NRXN3: variants seen among roughly 807,000 people sequenced by gnomAD.
NRXN3 encodes the protein neurexin III.
A neutral mutation model predicts 137.6 loss-of-function variants in NRXN3; 32 were observed. The observed-to-expected ratio is 0.23, with a 90% CI of 0.18 to 0.31. The LOEUF is 0.31. Among genes scored for constraint, NRXN3 ranks in the 10% least tolerant of loss-of-function variants. The probability of loss-of-function intolerance (pLI) is 1.00; values close to 1 mark genes in which losing one functional copy is unlikely to be tolerated. For missense variants in NRXN3, 1,574 were observed against 2,062.5 expected (o/e 0.76, Z 4.59); for synonymous variants, 798 against 784.5 (o/e 1.02, Z -0.29).
intron 16 of NRXN3, among the ~76,000 whole-genome samples, chr14:79,525,105 C>T (rs1489811146): frequency 6.6e-6 from 1 of 152,048 alleles, no homozygotes; most frequent in Non-Finnish European, 1.5e-5. Flanking sequence ...GGTCTTATGA[C>T]TAGCTTTGAG....
At chr14:79,049,022 CAAAAAAAAAAAAAAAAAAAAAAAAA>C (rs1171306670) in intron 15 of NRXN3, among the ~76,000 whole-genome samples, 13 of 29,480 alleles carry the variant, frequency 4.4e-4, no homozygotes, top group African/African-American at 1.8e-3. Flanking sequence ...AACTCCGTCT[CAAAAAAAAAAAAAAAAAAAAAAAAA>C]AAAAAAAAAA....
At chr14:78,186,774 T>C (rs1595712765) in intron 1 of NRXN3, among the ~76,000 whole-genome samples, 1 of 152,016 alleles carries the variant, frequency 6.6e-6, no homozygotes, top group African/African-American at 2.4e-5. Context: ...GTAGGGGAGA[T>C]AAAAGGGACA....
intron 19 of NRXN3, among the ~76,000 whole-genome samples, chr14:79,793,114 C>A (rs2099150390): frequency 6.6e-6 from 1 of 152,110 alleles, no homozygotes; most frequent in Admixed American, 6.6e-5. Flanking sequence ...CCTCCTGGTA[C>A]CTTTGAGAGA....
At position 79,480,458 on chromosome 14, in the gene NRXN3, C is replaced by T. The variant is rs187876135; in HGVS notation, c.3444+13056C>T. 7.0e-3 allele frequency among the ~76,000 whole-genome samples: 1,060 copies of T among 152,122 alleles called. 8 individuals are homozygous for T. Among genetic ancestry groups the T allele is most frequent in the African/African-American group, 0.024 (986 of 41,498 alleles). On this transcript the variant is annotated intron_variant, in intron 16 of 20. Transcript: ENST00000335750. ...CAATGAATGATCCACAAAGCACAGC[C>T]GCCTCTTAAAAGAAGACAAAAATCT... is the stretch of plus-strand genomic sequence containing the variant.
intron 19 of NRXN3, among the ~76,000 whole-genome samples, chr14:79,782,444 A>T (rs2099116759): frequency 6.6e-6 from 1 of 152,182 alleles, no homozygotes; most frequent in Admixed American, 6.5e-5. Flanking sequence ...TCTGAGAGTA[A>T]AACACGCATA....
At chr14:79,440,320 C>A (rs1397716471) in intron 15 of NRXN3, among the ~76,000 whole-genome samples, 1 of 152,130 alleles carries the variant, frequency 6.6e-6, no homozygotes, top group Non-Finnish European at 1.5e-5. Flanking sequence ...CCTCAGTTTT[C>A]TTATCTTTAA....
At chr14:79,587,071 A>G (rs1446898048) in intron 16 of NRXN3, among the ~76,000 whole-genome samples, 1 of 152,156 alleles carries the variant, frequency 6.6e-6, no homozygotes, top group East Asian at 1.9e-4. Context: ...AGCCTTTTCT[A>G]CATATTCCTC....
intron 10 of NRXN3, among the ~76,000 whole-genome samples, chr14:78,934,858 C>G (rs1307578391): frequency 6.6e-6 from 1 of 151,632 alleles, no homozygotes; most frequent in Admixed American, 6.6e-5. Flanking sequence ...ATACCTAATG[C>G]TAAATGATGA....
chr14:79,703,743 G>C (rs965695737), intron 19 of NRXN3, among the ~76,000 whole-genome samples: 2 of 151,908 alleles, frequency 1.3e-5, no homozygotes, highest in Admixed American at 1.3e-4. Flanking sequence ...GTATATCTCT[G>C]GGCAGGTGAT....
intron 15 of NRXN3, among the ~76,000 whole-genome samples, chr14:79,375,945 T>C (rs889829327): frequency 2.0e-5 from 3 of 150,994 alleles, no homozygotes; most frequent in Non-Finnish European, 2.9e-5. Flanking sequence ...AAAGAATAAA[T>C]CTTTAGAAAA....
chr14:79,185,231 A>G (rs993981903), intron 15 of NRXN3, among the ~76,000 whole-genome samples: 7 of 152,194 alleles, frequency 4.6e-5, no homozygotes, highest in African/African-American at 1.4e-4. Flanking sequence ...GGACTGGCTC[A>G]CTTAAAATGA....
rs568298412 is a variant in NRXN3 at position 79,831,802 on chromosome 14, G to A, written c.4093+26612G>A. Among the ~76,000 whole-genome samples, 651 of 152,264 alleles carry A rather than the reference G, an allele frequency of 4.3e-3. 3 individuals are homozygous for A. The highest frequency in any genetic ancestry group is 6.9e-3 in the Non-Finnish European group (466 of 68,020). ...TTAAGCACTTTACCGTTTAAGATCA[G>A]TTTTGCAGTTCAGAACTTGAAGTCA... On this transcript the variant is annotated intron_variant, in intron 20 of 20. Transcript: ENST00000335750.
intron 19 of NRXN3, among the ~76,000 whole-genome samples, chr14:79,756,790 C>T (rs896054948): frequency 1.3e-5 from 2 of 152,164 alleles, no homozygotes; most frequent in African/African-American, 4.8e-5. Context: ...TCTATAAGCC[C>T]ACTCACCCAG....
At chr14:79,722,967 G>C (rs975201679) in intron 19 of NRXN3, among the ~76,000 whole-genome samples, 2 of 152,018 alleles carry the variant, frequency 1.3e-5, no homozygotes, top group African/African-American at 2.4e-5. Context: ...AATGCACTTC[G>C]TTGTCCCGAA....
intron 4 of NRXN3, among the ~76,000 whole-genome samples, chr14:78,600,358 C>T (rs1321023983): frequency 2.6e-5 from 4 of 152,208 alleles, no homozygotes; most frequent in Non-Finnish European, 5.9e-5. Flanking sequence ...TTCCCTACTA[C>T]AATACTGTCA....
At chr14:79,433,593 C>A (rs2095798406) in intron 15 of NRXN3, among the ~76,000 whole-genome samples, 1 of 152,040 alleles carries the variant, frequency 6.6e-6, no homozygotes, top group Admixed American at 6.6e-5. Flanking sequence ...AAGAAAAAAA[C>A]TCACCAGTTT....
intron 4 of NRXN3, among the ~76,000 whole-genome samples, chr14:78,491,349 G>T (rs2095664252): frequency 6.6e-6 from 1 of 152,176 alleles, no homozygotes; most frequent in Non-Finnish European, 1.5e-5. Context: ...TGTGGCCAAG[G>T]TCACAGGCCA....
chr14:78,523,838 A>AAAAAAAAAAAAAC (rs1425129215), intron 4 of NRXN3, among the ~76,000 whole-genome samples: 1 of 145,850 alleles, frequency 6.9e-6, no homozygotes, highest in Non-Finnish European at 1.5e-5. Flanking sequence ...AAAAAAAAAA[A>AAAAAAAAAAAAAC]AAAAAAAGAA....
intron 4 of NRXN3, among the ~76,000 whole-genome samples, chr14:78,401,225 C>T (rs8020842): frequency 0.36 from 54,776 of 151,966 alleles, 11,829 homozygotes; most frequent in Admixed American, 0.49. Context: ...AGTGCAATAG[C>T]GTGATCTTGG....
Sources: allele counts gnomAD v4.1 joint callset (sites outside exome capture counted in the v4.1 genomes callset), GRCh38; gene constraint gnomAD v4.1.1; transcripts MANE v1.5; gene names NCBI Gene and HGNC (gene_info 2026-07-23, HGNC 2026-07-21).